The following PACRG variants were observed in gnomAD, a reference collection of about 807,000 sequenced individuals.
PACRG encodes parkin coregulated gene protein.
PACRG carries 29 observed loss-of-function variants against 29.7 expected under a neutral mutation model. The ratio of observed to expected loss-of-function variants is 0.98; its 90% CI spans 0.73 to 1.33. The LOEUF is 1.33. PACRG is among the 40% of genes most tolerant of loss of function. The pLI, the probability that PACRG is intolerant of heterozygous loss-of-function variation, is 0.00. For missense variants in PACRG, 279 were observed against 316.2 expected, an observed-to-expected ratio of 0.88 and a Z score of 0.89; for synonymous variants, 116 against 118.7, an observed-to-expected ratio of 0.98 and a Z score of 0.15.
chr6:162,914,192 T>A (rs887720635), intron 2 of PACRG, among the ~76,000 whole-genome samples: 1 of 152,172 alleles, frequency 6.6e-6, no homozygotes, highest in Non-Finnish European at 1.5e-5. Flanking sequence ...ATTTTAGGGT[T>A]TACATCTAGT....
chr6:162,828,384 G>C (rs554787610), intron 2 of PACRG, among the ~76,000 whole-genome samples: 1 of 152,256 alleles, frequency 6.6e-6, no homozygotes, highest in South Asian at 2.1e-4. Flanking sequence ...TCTATGTGTT[G>C]TCTTTAAATA....
At chr6:163,241,801 G>A (rs371143059) in intron 4 of PACRG, among the ~76,000 whole-genome samples, 14 of 152,304 alleles carry the variant, frequency 9.2e-5, no homozygotes, top group African/African-American at 3.4e-4. Flanking sequence ...CCAGGTGAAT[G>A]AGAGGCCATG....
intron 4 of PACRG, among the ~76,000 whole-genome samples, chr6:163,223,546 C>T (rs1324203140): frequency 1.3e-5 from 2 of 152,164 alleles, no homozygotes; most frequent in East Asian, 3.8e-4. Flanking sequence ...GTAGTAGAAG[C>T]TTGCATTCTA....
intron 2 of PACRG, among the ~76,000 whole-genome samples, chr6:162,961,742 A>G (rs537904669): frequency 4.5e-4 from 68 of 152,118 alleles, no homozygotes; most frequent in Admixed American, 2.8e-3. Context: ...CCGCTTCCCT[A>G]GAGTCCTGCC....
At chr6:162,925,509 C>G (rs1797370137) in intron 2 of PACRG, among the ~76,000 whole-genome samples, 3 of 152,120 alleles carry the variant, frequency 2.0e-5, no homozygotes, top group Admixed American at 2.0e-4. Flanking sequence ...GCTGGTTCAA[C>G]ATAGCAAATC....
intron 4 of PACRG, among the ~76,000 whole-genome samples, chr6:163,286,856 A>G (rs1159563139): frequency 6.6e-6 from 1 of 152,080 alleles, no homozygotes; most frequent in Non-Finnish European, 1.5e-5. Context: ...ATGTGTATTT[A>G]TGTGTGTGTT....
chr6:163,254,501 AC>A (rs1783032520), intron 4 of PACRG, among the ~76,000 whole-genome samples: 1 of 152,190 alleles, frequency 6.6e-6, no homozygotes, highest in African/African-American at 2.4e-5. Context: ...GTGAACCAGG[AC>A]CTGAGCCCTC....
At chr6:162,825,875 T>C (rs1788228469) in intron 2 of PACRG, among the ~76,000 whole-genome samples, 1 of 152,228 alleles carries the variant, frequency 6.6e-6, no homozygotes, top group Non-Finnish European at 1.5e-5. Flanking sequence ...TGAGTTTCCC[T>C]TTCATTTCTG....
intron 4 of PACRG, among the ~76,000 whole-genome samples, chr6:163,200,197 A>G (rs538147720): frequency 6.6e-5 from 10 of 152,308 alleles, no homozygotes; most frequent in Middle Eastern, 3.4e-3. Flanking sequence ...GCCTACAAAT[A>G]TTTTTTATTA....
intron 2 of PACRG, among the ~76,000 whole-genome samples, chr6:162,836,887 A>G (rs1011811831): frequency 1.3e-5 from 2 of 152,190 alleles, no homozygotes; most frequent in Non-Finnish European, 2.9e-5. Context: ...TCACAATGTT[A>G]CAAAGCTAGT....
At chr6:163,239,738 T>G (rs1311742360) in intron 4 of PACRG, among the ~76,000 whole-genome samples, 1 of 114,344 alleles carries the variant, frequency 8.7e-6, no homozygotes, top group African/African-American at 3.4e-5. Flanking sequence ...ACACACACAC[T>G]CACACTCCCA....
At chr6:163,275,519 G>A (rs1783993373) in intron 4 of PACRG, among the ~76,000 whole-genome samples, 1 of 152,054 alleles carries the variant, frequency 6.6e-6, no homozygotes, top group South Asian at 2.1e-4. Flanking sequence ...AAAACTGTTT[G>A]CCTTTAGACT....
intron 1 of PACRG, among the ~76,000 whole-genome samples, chr6:162,808,257 T>C (rs1786534418): frequency 6.6e-6 from 1 of 152,178 alleles, no homozygotes; most frequent in African/African-American, 2.4e-5. Flanking sequence ...AGTCAACAGG[T>C]CTTGCCCACC....
chr6:163,174,799 C>T (rs1348082027), intron 4 of PACRG, among the ~76,000 whole-genome samples: 4 of 152,116 alleles, frequency 2.6e-5, no homozygotes. Context: ...CTGTTACCAT[C>T]ACTAATGCCA....
intron 1 of PACRG, among the ~76,000 whole-genome samples, chr6:162,748,380 C>T (rs1433058974): frequency 6.6e-6 from 1 of 152,118 alleles, no homozygotes; most frequent in African/African-American, 2.4e-5. Context: ...GTTATCCCAG[C>T]TACTCGGGAG....
rs398003265 is a variant in PACRG, at chr6:163,177,710, A to ATTTTTTTTTTTTTTTTTTTTTTTT, written c.613+88306_613+88329dup. Among the ~76,000 whole-genome samples the ATTTTTTTTTTTTTTTTTTTTTTTT allele has an allele frequency of 3.9e-4, 21 of 53,744 alleles. 5 individuals are homozygous for ATTTTTTTTTTTTTTTTTTTTTTTT. Among genetic ancestry groups the ATTTTTTTTTTTTTTTTTTTTTTTT allele is most frequent in the East Asian group, 1.4e-3 (2 of 1,382 alleles). The allele number at this position is 53,744 out of a possible 152,430, so 35.3% of individuals were successfully genotyped here. ...TGTTAGCTAAGAAATTAGAAAAGGG[A>ATTTTTTTTTTTTTTTTTTTTTTTT]TTTTTTTTTTTTTTTTTTTTTTTTT... On this transcript the variant is annotated intron_variant, in intron 4 of 4. Coordinates refer to ENST00000366888, the MANE Select transcript of PACRG (RefSeq NM_001080379.2).
At chr6:162,752,592 G>A (rs1045435898) in intron 1 of PACRG, among the ~76,000 whole-genome samples, 2 of 152,134 alleles carry the variant, frequency 1.3e-5, no homozygotes, top group Admixed American at 6.5e-5. Flanking sequence ...TTCCCAAAAG[G>A]CATCAACCTG....
intron 4 of PACRG, among the ~76,000 whole-genome samples, chr6:163,171,951 A>G (rs891837671): frequency 7.2e-5 from 11 of 152,262 alleles, no homozygotes; most frequent in Middle Eastern, 3.4e-3. Flanking sequence ...TTATTTTTAT[A>G]CCAAAATAAA....
chr6:162,743,896 A>G (rs1344199901), intron 1 of PACRG, among the ~76,000 whole-genome samples: 1 of 152,194 alleles, frequency 6.6e-6, no homozygotes, highest in African/African-American at 2.4e-5. Flanking sequence ...GAAATTGTTA[A>G]GCTATTGTCT....
Sources: allele counts gnomAD v4.1 joint callset (sites outside exome capture counted in the v4.1 genomes callset), GRCh38; gene constraint gnomAD v4.1.1; transcripts MANE v1.5; gene names NCBI Gene and HGNC (gene_info 2026-07-23, HGNC 2026-07-21).